Variants in RBFOX1 observed in about 807,000 individuals in gnomAD.
The protein encoded by RBFOX1 is RNA binding protein fox-1 homolog 1.
RBFOX1 carries 8 observed loss-of-function variants against 57.7 expected under a neutral mutation model. The observed-to-expected ratio is 0.14, with a 90% CI of 0.08 to 0.25. RBFOX1 has a LOEUF of 0.25. Among genes scored for constraint, RBFOX1 ranks in the 10% least tolerant of loss-of-function variants. The probability of loss-of-function intolerance (pLI) is 1.00; values close to 1 mark genes in which losing one functional copy is unlikely to be tolerated. For missense variants in RBFOX1, 611 were observed against 548.5 expected, an observed-to-expected ratio of 1.11 and a Z score of -1.14; for synonymous variants, 326 against 222.4, an observed-to-expected ratio of 1.47 and a Z score of -4.15.
chr16:7,447,110 C>T (rs2098814777), intron 4 of RBFOX1, among the ~76,000 whole-genome samples: 1 of 151,976 alleles, frequency 6.6e-6, no homozygotes, highest in South Asian at 2.1e-4. Context: ...CTGTCCTCGG[C>T]CTCAAGGTAG....
At chr16:6,890,174 G>A (rs770095472) in intron 3 of RBFOX1, among the ~76,000 whole-genome samples, 1 of 152,206 alleles carries the variant, frequency 6.6e-6, no homozygotes, top group Admixed American at 6.6e-5. Flanking sequence ...TATGATTGAA[G>A]TTGGGAGAAA....
At chr16:5,246,188 G>A (rs1376721914) in intron 1 of RBFOX1, among the ~76,000 whole-genome samples, 2 of 152,200 alleles carry the variant, frequency 1.3e-5, no homozygotes, top group African/African-American at 4.8e-5. Flanking sequence ...GTTGCAGTCA[G>A]CCGAGATCGC....
At chr16:5,515,306 C>T (rs1381163831) in intron 2 of RBFOX1, among the ~76,000 whole-genome samples, 3 of 152,228 alleles carry the variant, frequency 2.0e-5, no homozygotes, top group Non-Finnish European at 4.4e-5. Flanking sequence ...GCTGTCAGCA[C>T]TTTGGGGAGG....
intron 3 of RBFOX1, among the ~76,000 whole-genome samples, chr16:6,689,037 T>C (rs1457721781): frequency 6.6e-6 from 1 of 152,220 alleles, no homozygotes; most frequent in Non-Finnish European, 1.5e-5. Flanking sequence ...CAGTCTATTA[T>C]TGATGGGCAT....
intron 4 of RBFOX1, among the ~76,000 whole-genome samples, chr16:6,010,738 C>A (rs897979879): frequency 2.6e-5 from 4 of 152,192 alleles, no homozygotes; most frequent in African/African-American, 9.7e-5. Context: ...CAAACGGTAT[C>A]CGTTAGATGT....
At chr16:7,396,280 C>G (rs2098137809) in intron 4 of RBFOX1, among the ~76,000 whole-genome samples, 1 of 152,190 alleles carries the variant, frequency 6.6e-6, no homozygotes, top group African/African-American at 2.4e-5. Context: ...TGCCTTTGGA[C>G]AGAAGATGAC....
At chr16:7,041,742 A>G (rs2046256933) in intron 3 of RBFOX1, among the ~76,000 whole-genome samples, 1 of 152,242 alleles carries the variant, frequency 6.6e-6, no homozygotes, top group South Asian at 2.1e-4. Context: ...GAACAAAGCC[A>G]GGATTTGGAC....
At chr16:5,455,025 C>CTTTCTTTCCT (rs1178366526) in intron 1 of RBFOX1, among the ~76,000 whole-genome samples, 10 of 79,442 alleles carry the variant, frequency 1.3e-4, no homozygotes, top group Admixed American at 7.5e-4. Context: ...CTTTCTTTCT[C>CTTTCTTTCCT]TCTCTCTGTC....
Position 6,780,542 on chromosome 16 carries a change from TTACATATATATTTACATATTTA to T in RBFOX1, c.-16+125895_-16+125916del, listed in dbSNP as rs1217473712. On this transcript the variant is annotated intron_variant, in intron 3 of 15. Coordinates refer to ENST00000550418, the MANE Select transcript of RBFOX1 (RefSeq NM_018723.4). The stretch of plus-strand genomic sequence containing the variant: ...CATTTATATATATTTATATATACAT[TTACATATATATTTACATATTTA>T]TATATATTTATATATATATTTATAT... Among the ~76,000 whole-genome samples, 6 of 122,814 alleles carry T rather than the reference TTACATATATATTTACATATTTA, an allele frequency of 4.9e-5. No homozygotes were observed. In the East Asian group the frequency reaches 1.3e-3, roughly 27 times the overall value. The allele number at this position is 122,814 out of a possible 152,430, so 80.6% of individuals were successfully genotyped here.
chr16:7,270,629 A>G (rs906491490), intron 4 of RBFOX1, among the ~76,000 whole-genome samples: 1 of 152,206 alleles, frequency 6.6e-6, no homozygotes, highest in Non-Finnish European at 1.5e-5. Flanking sequence ...TCAGTGTTTA[A>G]AATACTAAAT....
chr16:7,136,740 A>G (rs956934317), intron 4 of RBFOX1, among the ~76,000 whole-genome samples: 5 of 152,174 alleles, frequency 3.3e-5, no homozygotes, highest in Admixed American at 3.3e-4. Context: ...ATTATCGGAT[A>G]GTGCTAGGCC....
chr16:6,012,424 C>T (rs567655091), intron 4 of RBFOX1, among the ~76,000 whole-genome samples: 1 of 152,160 alleles, frequency 6.6e-6, no homozygotes, highest in Non-Finnish European at 1.5e-5. Context: ...GAAGATTTTG[C>T]CCCTTGGGGA....
chr16:5,867,145 A>G (rs2057360427), intron 3 of RBFOX1, among the ~76,000 whole-genome samples: 1 of 135,964 alleles, frequency 7.4e-6, no homozygotes, highest in Non-Finnish European at 1.5e-5. Context: ...GGTGGAAGAA[A>G]ATGCATGTGT....
chr16:7,710,750 C>A lies in RBFOX1; in HGVS notation c.*5C>A, dbSNP rs373611732. On this transcript the variant is annotated 3_prime_UTR_variant, in exon 16 of 16. Transcript: ENST00000550418. ...AACCGTTTTGCTCCATACTAAATGA[C>A]AAAACCATAAAAACCTTCCAATGTG... The A allele has an allele frequency of 2.0e-5, 32 of 1,563,718 alleles. No homozygotes were observed. Among genetic ancestry groups the A allele is most frequent in the Non-Finnish European group, 2.7e-5 (31 of 1,159,796 alleles).
intron 1 of RBFOX1, among the ~76,000 whole-genome samples, chr16:6,226,688 G>T (rs895699380): frequency 6.6e-6 from 1 of 152,114 alleles, no homozygotes; most frequent in Non-Finnish European, 1.5e-5. Flanking sequence ...TTTATATGAA[G>T]TTTAAATGTT....
At chr16:6,214,181 C>G (rs1157140937) in intron 1 of RBFOX1, among the ~76,000 whole-genome samples, 1 of 152,210 alleles carries the variant, frequency 6.6e-6, no homozygotes, top group African/African-American at 2.4e-5. Flanking sequence ...TCCTTCTCTC[C>G]CACTGTCTCC....
At chr16:5,322,034 A>G (rs2064424694) in intron 1 of RBFOX1, among the ~76,000 whole-genome samples, 1 of 152,142 alleles carries the variant, frequency 6.6e-6, no homozygotes, top group Admixed American at 6.5e-5. Context: ...ACAGATGAAG[A>G]AGCTGAGGCT....
chr16:5,621,370 C>T (rs1171014127), intron 3 of RBFOX1, among the ~76,000 whole-genome samples: 1 of 152,170 alleles, frequency 6.6e-6, no homozygotes, highest in Admixed American at 6.5e-5. Flanking sequence ...GTCATGATTT[C>T]CACAAGTGAA....
At chr16:6,826,079 G>A (rs1415409230) in intron 3 of RBFOX1, among the ~76,000 whole-genome samples, 1 of 152,024 alleles carries the variant, frequency 6.6e-6, no homozygotes, top group Non-Finnish European at 1.5e-5. Flanking sequence ...CACGTTCATT[G>A]CCCAGGTCTC....
Sources: allele counts gnomAD v4.1 joint callset (sites outside exome capture counted in the v4.1 genomes callset), GRCh38; gene constraint gnomAD v4.1.1; transcripts MANE v1.5; gene names NCBI Gene and HGNC (gene_info 2026-07-23, HGNC 2026-07-21).